Variants in HNRNPUL1 observed in about 807,000 individuals in gnomAD.
HNRNPUL1 encodes the protein heterogeneous nuclear ribonucleoprotein U-like protein 1.
HNRNPUL1 carries 14 observed loss-of-function variants against 108.5 expected under a neutral mutation model. The observed-to-expected ratio is 0.13, with a 90% CI of 0.09 to 0.20. The LOEUF (loss-of-function observed/expected upper bound fraction) is 0.20, where lower values mean the gene tolerates loss of function less well. HNRNPUL1 is among the 10% of genes least tolerant of loss of function. The pLI, the probability that HNRNPUL1 is intolerant of heterozygous loss-of-function variation, is 1.00. For synonymous variants in HNRNPUL1, 422 were observed against 445.2 expected, an observed-to-expected ratio of 0.95 and a Z score of 0.66; for missense variants, 804 against 1,168.3, an observed-to-expected ratio of 0.69 and a Z score of 4.55.
rs754786715 is a variant in HNRNPUL1, at chr19:41,304,091, C to T, written c.2092C>T (p.Pro698Ser). The change falls in exon 13 of 15, where the codon CCA becomes TCA. Residue 698 changes from proline (P) to serine (S), a missense_variant. Around this residue, in one of 4 missense-constraint regions of HNRNPUL1, gnomAD observed 294 missense variants for 388.3 expected, o/e 0.76. Transcript: ENST00000392006. ...YNRAPQQQPP[P>S]QQPPPPQPPP... is the part of the protein sequence containing the mutation. The stretch of plus-strand genomic sequence containing the variant: ...CCGGGCTCCCCAGCAACAGCCGCCA[C>T]CACAGCAGCCTCCGCCACCACAGCC... 4.3e-6 allele frequency: 7 copies of T among 1,613,244 alleles called. No individual in the cohort carries two copies. The highest frequency in any genetic ancestry group is 2.7e-5 in the African/African-American group (2 of 75,010).
intron 2 of HNRNPUL1, 75 bp downstream of exon 2, chr19:41,268,420 G>A: frequency 6.8e-7 from 1 of 1,477,104 alleles, no homozygotes; most frequent in South Asian, 1.3e-5. Flanking sequence ...GCTTAGAGCG[G>A]GTCTTCCCAG....
At chr19:41,277,111 A>AAAAAC (rs1568436086) in intron 5 of HNRNPUL1, among the ~76,000 whole-genome samples, 2 of 150,894 alleles carry the variant, frequency 1.3e-5, no homozygotes, top group Admixed American at 6.6e-5. Flanking sequence ...AAAAAAAACA[A>AAAAAC]AAAAACAAAA....
At position 41,292,366 on chromosome 19, in the gene HNRNPUL1, T is replaced by C. The variant is rs1391804699; in HGVS notation, c.1121T>C (p.Val374Ala). The C allele has an allele frequency of 1.2e-5, 19 of 1,614,176 alleles. No homozygotes were observed. The highest frequency in any genetic ancestry group is 1.6e-5 in the Non-Finnish European group (19 of 1,180,038). The change falls in exon 8 of 15, where the codon GTG (valine) becomes GCG (alanine). Residue 374 changes from valine to alanine, a missense_variant. Physicochemically the swap from Val to Ala is moderately conservative, Grantham distance 64. Coordinates refer to ENST00000392006, the MANE Select transcript of HNRNPUL1 (RefSeq NM_007040.6). The surrounding 1 kb of genome is among the most constrained non-coding windows in gnomAD (Gnocchi z 4.1). ...CAGGCCCTCTATCCTCATGTCCTGG[T>C]GAAGAATTGCGCAGTGGAGTTCAAC... is the stretch of plus-strand genomic sequence containing the variant. ...GGQALYPHVL[V>A]KNCAVEFNFG...
At chr19:41,265,204 C>T in intron 1 of HNRNPUL1, 1 of 1,503,568 alleles carries the variant, frequency 6.7e-7, no homozygotes. Context: ...CGTGCTAGCC[C>T]AGCGTGTGGG....
At chr19:41,286,103 T>C (rs2036208006) in intron 7 of HNRNPUL1, among the ~76,000 whole-genome samples, 1 of 151,930 alleles carries the variant, frequency 6.6e-6, no homozygotes, top group African/African-American at 2.4e-5. Context: ...ATTAATAGCC[T>C]ACTGATAACA....
intron 1 of HNRNPUL1, 58 bp downstream of exon 1, chr19:41,264,856 G>T (rs1308153911): frequency 9.6e-6 from 13 of 1,351,514 alleles, no homozygotes; most frequent in Non-Finnish European, 1.2e-5. Context: ...GGAAAGGGCT[G>T]TGGGACGCGG....
At chr19:41,265,135 G>A in intron 1 of HNRNPUL1, 2 of 1,423,482 alleles carry the variant, frequency 1.4e-6, no homozygotes, top group South Asian at 1.5e-5. Context: ...TTCCGTTTGG[G>A]TTGGGGAGGG....
In HNRNPUL1 at chr19:41,306,532, C is replaced by T. The variant is rs146702472; in HGVS notation, c.2538C>T (p.Ser846=). 8.7e-6 allele frequency: 14 copies of T among 1,605,282 alleles called. No homozygotes were observed. In the East Asian group the frequency reaches 9.1e-5, roughly 10 times the overall value. Residue 846 remains serine (S), a synonymous_variant, in exon 15 of 15, where the codon TCC becomes TCT. Transcript: ENST00000392006. ...GGAACTACGACTACGGGAGCTACTC[C>T]GGGAACACACAGGGTGGCACAAGTA... The part of the protein sequence containing the change: ...YYGNYDYGSY[S]GNTQGGTSTQ
rs555115429 is a variant in HNRNPUL1 at position 41,291,929 on chromosome 19, C to G, written c.1000-316C>G. 1.2e-3 allele frequency: 398 copies of G among 321,526 alleles called. 2 individuals are homozygous for G. The highest frequency in any genetic ancestry group is 2.2e-3 in the Admixed American group (48 of 21,696). The allele number at this position is 321,526 out of a possible 1,614,324, so 19.9% of individuals were successfully genotyped here. On this transcript the variant is annotated intron_variant, in intron 7 of 14. Transcript: ENST00000392006. Reference sequence around the variant, plus strand: ...CTGGAAGTTTGAGGTTGCGGTGAGCCCTAGCTGTGCCACTGCACTCAGCCT... The same window carrying G: ...CTGGAAGTTTGAGGTTGCGGTGAGCGCTAGCTGTGCCACTGCACTCAGCCT...
rs987816216 is a variant in HNRNPUL1, at chr19:41,305,793, C to G, written c.2380C>G (p.Pro794Ala). 6.2e-7 allele frequency: 1 copy of G among 1,611,786 alleles called. No homozygotes were observed. The highest frequency in any genetic ancestry group is 1.3e-5 in the African/African-American group (1 of 74,852). The change falls in exon 14 of 15, where the codon CCG (proline) becomes GCG (alanine). Residue 794 changes from proline (P) to alanine (A), a missense_variant. Pro to Ala is a conservative substitution (Grantham distance 27). Coordinates refer to ENST00000392006, the MANE Select transcript of HNRNPUL1 (RefSeq NM_007040.6). ...CTATGGGAGCTACGGCGGTTACAACCCGGCCCCCTATACCCCACCGCCACC... is the reference window on the plus strand; with the variant it reads ...CTATGGGAGCTACGGCGGTTACAACGCGGCCCCCTATACCCCACCGCCACC... ...YNYGSYGGYN[P>A]APYTPPPPPT...
At chr19:41,269,627 C>T (rs933728110) in intron 2 of HNRNPUL1, among the ~76,000 whole-genome samples, 1 of 151,526 alleles carries the variant, frequency 6.6e-6, no homozygotes, top group Non-Finnish European at 1.5e-5. Flanking sequence ...CATAGTGAGA[C>T]CCCTGTTGTC....
intron 10 of HNRNPUL1, among the ~76,000 whole-genome samples, chr19:41,295,497 T>G (rs562177416): frequency 5.9e-5 from 9 of 152,380 alleles, no homozygotes; most frequent in African/African-American, 2.2e-4. Flanking sequence ...TTATTGCCTA[T>G]GCAACGTCAT....
intron 1 of HNRNPUL1, among the ~76,000 whole-genome samples, chr19:41,267,383 AG>A (rs1055590012): frequency 6.6e-6 from 1 of 152,176 alleles, no homozygotes; most frequent in Admixed American, 6.5e-5. Context: ...GGAGCCTGGA[AG>A]CAGCAGAATA....
At chr19:41,302,499 G>A (rs1340801762) in intron 11 of HNRNPUL1, 166 bp from the exon 12 acceptor site, 8 of 869,012 alleles carry the variant, frequency 9.2e-6, no homozygotes, top group Non-Finnish European at 1.3e-5. Flanking sequence ...GATTACAGGC[G>A]TGAGCCACCG....
At chr19:41,275,868 C>T (rs777506441) in intron 4 of HNRNPUL1, among the ~76,000 whole-genome samples, 13 of 152,060 alleles carry the variant, frequency 8.5e-5, no homozygotes, top group Admixed American at 1.3e-4. Flanking sequence ...TTTGGGAGGC[C>T]GAGGCAGGTG....
At chr19:41,267,991 G>C in intron 1 of HNRNPUL1, 1 of 385,302 alleles carries the variant, frequency 2.6e-6, no homozygotes, top group Non-Finnish European at 4.6e-6. Flanking sequence ...TTAAATTTTT[G>C]TGTGTCTTTA....
At chr19:41,301,964 C>T (rs1031863864) in intron 11 of HNRNPUL1, among the ~76,000 whole-genome samples, 2 of 152,198 alleles carry the variant, frequency 1.3e-5, no homozygotes, top group African/African-American at 4.8e-5. Context: ...GCTGAAAGTC[C>T]TGTGTGCTCA....
At chr19:41,263,516 T>A (rs1447933554), upstream of HNRNPUL1, among the ~76,000 whole-genome samples, 1 of 152,228 alleles carries the variant, frequency 6.6e-6, no homozygotes, top group Non-Finnish European at 1.5e-5. Context: ...GGCCGCGGAC[T>A]ACCCAAGGGA....
chr19:41,281,285 A>G lies in HNRNPUL1; in HGVS notation c.999+10A>G. The G allele has an allele frequency of 1.3e-6, 2 of 1,594,070 alleles. No individual in the cohort carries two copies. The highest frequency in any genetic ancestry group is 1.7e-6 in the Non-Finnish European group (2 of 1,161,954). ...GATTGGCTGCTTTGCGGTGAGTGCT[A>G]GCAGCCTGTGGGAGTTGGCAGAACC... On this transcript the variant is annotated intron_variant, in intron 7 of 14. Transcript: ENST00000392006.
Sources: allele counts gnomAD v4.1 joint callset (sites outside exome capture counted in the v4.1 genomes callset), GRCh38; gene constraint gnomAD v4.1.1; regional missense constraint gnomAD v4.1.1; non-coding constraint Gnocchi (gnomAD v3.1); transcripts MANE v1.5; gene names NCBI Gene and HGNC (gene_info 2026-07-23, HGNC 2026-07-21).